The following MID1 variants were observed in gnomAD, a reference collection of about 807,000 sequenced individuals.
MID1 encodes midline 1, also known as E3 ubiquitin-protein ligase Midline-1.
A neutral mutation model predicts 40.4 loss-of-function variants in MID1; 7 were observed. The observed-to-expected ratio is 0.17, with a 90% CI of 0.10 to 0.33. MID1 has a LOEUF of 0.33. Ranked by LOEUF, MID1 falls within the 10% of genes least tolerant of loss-of-function variation. MID1 has a pLI of 1.00. For synonymous variants in MID1, 229 were observed against 221.2 expected (o/e 1.04, Z -0.31); for missense variants, 367 against 558.5 (o/e 0.66, Z 3.46).
chrX:10,560,567 T>C (rs914192814), intron 2 of MID1, among the ~76,000 whole-genome samples: 2 of 111,122 alleles, frequency 1.8e-5, no homozygotes, highest in Non-Finnish European at 1.9e-5. Flanking sequence ...AGCATTCCTA[T>C]ATACCAATAA....
chrX:10,460,181 T>A, intron 7 of MID1: 1 of 270,784 alleles, frequency 3.7e-6, no homozygotes, highest in Non-Finnish European at 6.8e-6. Context: ...AGGGTTTCTG[T>A]TGACCCTTTG....
intron 1 of MID1, among the ~76,000 whole-genome samples, chrX:10,738,286 G>A (rs2043500170): frequency 8.9e-6 from 1 of 112,100 alleles, no homozygotes; most frequent in African/African-American, 3.2e-5. Flanking sequence ...TAAAGCCAGG[G>A]AGGGCATGGG....
At chrX:10,536,863 G>T (rs1025605045) in intron 2 of MID1, among the ~76,000 whole-genome samples, 1 of 111,875 alleles carries the variant, frequency 8.9e-6, no homozygotes, top group Non-Finnish European at 1.9e-5. Context: ...ACTTACTAAG[G>T]CTTTGTAATC....
At chrX:10,747,706 C>A (rs2043568417) in intron 1 of MID1, among the ~76,000 whole-genome samples, 1 of 111,844 alleles carries the variant, frequency 8.9e-6, no homozygotes, top group African/African-American at 3.2e-5. Context: ...TTCTCCTATG[C>A]CTTGAACTCA....
intron 4 of MID1, among the ~76,000 whole-genome samples, chrX:10,494,160 C>A (rs957212241): frequency 8.2e-4 from 92 of 112,080 alleles, no homozygotes; most frequent in Middle Eastern, 9.6e-3. Flanking sequence ...ATCTACTATA[C>A]CAGCATCAAT....
rs1312331805 is a variant in MID1, at chrX:10,461,177, T to C, written c.1286-1370A>G. Among the ~76,000 whole-genome samples the C allele has an allele frequency of 1.6e-4, 16 of 102,245 alleles. No individual in the cohort carries two copies. In the Middle Eastern group the frequency reaches 0.015, roughly 95 times the overall value. 88.8% of individuals were successfully genotyped at this position (102,245 alleles called of 115,157 possible). A position where few individuals can be genotyped will look rare whatever the true frequency, so the allele number is the denominator to read the frequency against. ...CACACACACACACACATATTTGGTC[T>C]TGTGAATTTTCTGTTGCCTTTTTTT... On this transcript the variant is annotated intron_variant, in intron 7 of 9. Coordinates refer to ENST00000317552, the MANE Select transcript of MID1 (RefSeq NM_000381.4).
At chrX:10,763,136 G>GT (rs760872479) in intron 1 of MID1, among the ~76,000 whole-genome samples, 15,515 of 94,595 alleles carry the variant, frequency 0.16, 1,833 homozygotes, top group African/African-American at 0.4. Context: ...TACATGGCTG[G>GT]TTTTTTTTTT....
In MID1 at chrX:10,767,487, T is replaced by G. The variant is rs1272397705; in HGVS notation, c.-187+66067A>C. ...GGTGCCCGCCACCACGCCCAGCTAA[T>G]TTTTTGTATTTTTAGTAGAGACGGG... On this transcript the variant is annotated intron_variant, in intron 1 of 10. Transcript: ENST00000380785. Among the ~76,000 whole-genome samples the G allele has an allele frequency of 2.7e-5, 3 of 110,833 alleles. No individual in the cohort carries two copies. In the East Asian group the frequency reaches 8.5e-4, roughly 31 times the overall value.
At chrX:10,520,195 T>TC (rs771813554) in intron 3 of MID1, among the ~76,000 whole-genome samples, 1 of 111,536 alleles carries the variant, frequency 9.0e-6, no homozygotes, top group African/African-American at 3.3e-5. Context: ...TCTCTTTTAA[T>TC]CCCCCCTTCT....
chrX:10,618,564 G>C (rs1935879020), intron 1 of MID1, among the ~76,000 whole-genome samples: 1 of 111,946 alleles, frequency 8.9e-6, no homozygotes, highest in Non-Finnish European at 1.9e-5. Context: ...ACGTAGCTGT[G>C]AGATGAAAAG....
At chrX:10,727,137 G>A (rs1002303889) in intron 1 of MID1, among the ~76,000 whole-genome samples, 4 of 111,475 alleles carry the variant, frequency 3.6e-5, no homozygotes, top group East Asian at 2.8e-4. Flanking sequence ...TTTTTGAGAC[G>A]GAGTTTCACT....
At chrX:10,510,074 A>T (rs1290119144) in intron 3 of MID1, among the ~76,000 whole-genome samples, 7 of 112,120 alleles carry the variant, frequency 6.2e-5, no homozygotes, top group Non-Finnish European at 1.3e-4. Flanking sequence ...AATTTTATGA[A>T]ACCAAGAATA....
chrX:10,585,633 T>C (rs189775709), intron 1 of MID1, among the ~76,000 whole-genome samples: 267 of 110,426 alleles, frequency 2.4e-3, no homozygotes, highest in Non-Finnish European at 4.3e-3. Context: ...TTTTTTCTAG[T>C]GAGGATTAAG....
chrX:10,658,970 CAT>C (rs2042893940), intron 1 of MID1, among the ~76,000 whole-genome samples: 1 of 111,930 alleles, frequency 8.9e-6, no homozygotes, highest in Admixed American at 9.5e-5. Context: ...TTTATATTAA[CAT>C]GTGCATAAAA....
At chrX:10,660,829 T>G (rs1240975288) in intron 1 of MID1, among the ~76,000 whole-genome samples, 1 of 112,183 alleles carries the variant, frequency 8.9e-6, no homozygotes, top group Non-Finnish European at 1.9e-5. Context: ...ATATGCAGAA[T>G]ACATTTTAAT....
chrX:10,562,228 G>A (rs182850340), intron 2 of MID1, among the ~76,000 whole-genome samples: 1 of 103,994 alleles, frequency 9.6e-6, no homozygotes, highest in East Asian at 2.9e-4. Flanking sequence ...CAGGGTTGTG[G>A]GGCGAGCGGG....
chrX:10,479,962 C>T (rs765066788), intron 5 of MID1, among the ~76,000 whole-genome samples: 6 of 111,805 alleles, frequency 5.4e-5, no homozygotes, highest in Non-Finnish European at 1.1e-4. Flanking sequence ...AGCTCAAAGA[C>T]CCATAGTTAA....
At chrX:10,498,635 G>A (rs184579926) in intron 3 of MID1, among the ~76,000 whole-genome samples, 119 of 111,793 alleles carry the variant, frequency 1.1e-3, no homozygotes, top group Middle Eastern at 4.6e-3. Flanking sequence ...GCTCCAGCCC[G>A]AGGCAACCAC....
chrX:10,640,537 G>C (rs1936179533), intron 1 of MID1, among the ~76,000 whole-genome samples: 1 of 111,458 alleles, frequency 9.0e-6, no homozygotes, highest in African/African-American at 3.3e-5. Context: ...GACCTACAAA[G>C]AGACTTAGAC....
Sources: gnomAD v4.1 joint callset for allele counts (sites outside exome capture counted in the v4.1 genomes callset) on GRCh38, gnomAD v4.1.1 for gene constraint, MANE v1.5 for transcripts, NCBI Gene and HGNC (gene_info 2026-07-23, HGNC 2026-07-21) for gene names.